The following SLC24A3 variants were observed in gnomAD, a reference collection of about 807,000 sequenced individuals.
SLC24A3 encodes solute carrier family 24 member 3.
SLC24A3 carries 28 observed loss-of-function variants against 75.8 expected under a neutral mutation model. The observed-to-expected ratio is 0.37, with a 90% CI of 0.27 to 0.51. The LOEUF is 0.51. Ranked by LOEUF, SLC24A3 falls within the 20% of genes least tolerant of loss-of-function variation. The pLI, the probability that SLC24A3 is intolerant of heterozygous loss-of-function variation, is 0.94. For missense variants in SLC24A3, 663 were observed against 847.8 expected (o/e 0.78, Z 2.71); for synonymous variants, 372 against 334.1 (o/e 1.11, Z -1.24).
At chr20:19,656,814 C>T (rs2032272467) in intron 7 of SLC24A3, among the ~76,000 whole-genome samples, 1 of 152,180 alleles carries the variant, frequency 6.6e-6, no homozygotes. Flanking sequence ...GGCTTCTTTC[C>T]CTGTTTTCCG....
intron 2 of SLC24A3, among the ~76,000 whole-genome samples, chr20:19,421,687 G>A (rs1035376475): frequency 4.6e-5 from 7 of 152,176 alleles, no homozygotes; most frequent in Non-Finnish European, 8.8e-5. Flanking sequence ...TGAGAAAAAC[G>A]GGATTTACTG....
At chr20:19,431,609 T>A (rs903454755) in intron 2 of SLC24A3, among the ~76,000 whole-genome samples, 6 of 151,924 alleles carry the variant, frequency 3.9e-5, no homozygotes, top group African/African-American at 1.5e-4. Flanking sequence ...TACTGAGCAA[T>A]TGGAGGAGGT....
intron 2 of SLC24A3, among the ~76,000 whole-genome samples, chr20:19,315,015 T>C (rs1984551637): frequency 6.6e-6 from 1 of 152,196 alleles, no homozygotes; most frequent in Admixed American, 6.5e-5. Context: ...TTTGCTTTGA[T>C]TTTCTAGGTG....
intron 2 of SLC24A3, among the ~76,000 whole-genome samples, chr20:19,453,129 G>A (rs556868041): frequency 9.2e-5 from 14 of 152,168 alleles, no homozygotes; most frequent in Admixed American, 5.9e-4. Flanking sequence ...GCAGTGACCC[G>A]AGATCGCACC....
chr20:19,550,188 G>C (rs369622964), intron 3 of SLC24A3, among the ~76,000 whole-genome samples: 13 of 152,238 alleles, frequency 8.5e-5, no homozygotes, highest in African/African-American at 3.1e-4. Context: ...TCTGTATGCT[G>C]TTTTAGAGGC....
chr20:19,333,874 A>C (rs1985063346), intron 2 of SLC24A3, among the ~76,000 whole-genome samples: 1 of 152,164 alleles, frequency 6.6e-6, no homozygotes, highest in South Asian at 2.1e-4. Context: ...TAAGGTTCTT[A>C]AGCTGGAATA....
chr20:19,325,676 T>G (rs1023758653), intron 2 of SLC24A3, among the ~76,000 whole-genome samples: 8 of 149,696 alleles, frequency 5.3e-5, no homozygotes, highest in Non-Finnish European at 8.9e-5. Context: ...ATTTGGAGAT[T>G]TTTTTGTTTT....
chr20:19,465,793 C>T (rs1213506779), intron 2 of SLC24A3, among the ~76,000 whole-genome samples: 2 of 152,198 alleles, frequency 1.3e-5, no homozygotes, highest in East Asian at 3.9e-4. Flanking sequence ...GCTACTTTCT[C>T]TGGGCTTGTG....
At chr20:19,235,887 G>T (rs1982151809) in intron 1 of SLC24A3, among the ~76,000 whole-genome samples, 2 of 152,204 alleles carry the variant, frequency 1.3e-5, no homozygotes, top group African/African-American at 4.8e-5. Context: ...CCAGTCTGTA[G>T]TCTTCAAGGT....
chr20:19,597,938 A>G (rs1390291252), intron 6 of SLC24A3, among the ~76,000 whole-genome samples: 1 of 152,198 alleles, frequency 6.6e-6, no homozygotes, highest in Non-Finnish European at 1.5e-5. Flanking sequence ...TATTCCCTTG[A>G]ATGTATATGC....
intron 1 of SLC24A3, among the ~76,000 whole-genome samples, chr20:19,241,229 G>T (rs1982318037): frequency 6.6e-6 from 1 of 152,242 alleles, no homozygotes; most frequent in Non-Finnish European, 1.5e-5. Context: ...CAGAGGTGTG[G>T]GGAGGTGTGC....
intron 2 of SLC24A3, among the ~76,000 whole-genome samples, chr20:19,302,910 A>G (rs1984228014): frequency 6.6e-6 from 1 of 152,016 alleles, no homozygotes; most frequent in African/African-American, 2.4e-5. Flanking sequence ...CTAAGTTTTC[A>G]AGCAAGGAAA....
intron 3 of SLC24A3, among the ~76,000 whole-genome samples, chr20:19,529,760 T>C (rs961448196): frequency 5.9e-5 from 9 of 152,298 alleles, no homozygotes; most frequent in East Asian, 1.9e-4. Flanking sequence ...GCCCCTTTCT[T>C]TGATACCACT....
rs371303563 is a variant in SLC24A3, at chr20:19,721,196, G to A, written c.*56G>A. On this transcript the variant is annotated 3_prime_UTR_variant, in exon 17 of 17. Coordinates refer to ENST00000328041, the MANE Select transcript of SLC24A3 (RefSeq NM_020689.4). Reference sequence around the variant, plus strand: ...TTCTTTTCTGTGCAATACGAGACCCGGCCGCACCCCGAGTCACACAGGCCC... The same window carrying A: ...TTCTTTTCTGTGCAATACGAGACCCAGCCGCACCCCGAGTCACACAGGCCC... 82 of 1,599,596 alleles carry A rather than the reference G, an allele frequency of 5.1e-5. No individual in the cohort carries two copies. The highest frequency in any genetic ancestry group is 4.6e-4 in the South Asian group (41 of 89,104).
chr20:19,360,153 A>T (rs1241763952), intron 2 of SLC24A3, among the ~76,000 whole-genome samples: 1 of 152,212 alleles, frequency 6.6e-6, no homozygotes, highest in Non-Finnish European at 1.5e-5. Flanking sequence ...AATTTGACAG[A>T]TATTGCCCAG....
At chr20:19,478,319 C>T (rs1273647854) in intron 2 of SLC24A3, among the ~76,000 whole-genome samples, 1 of 152,124 alleles carries the variant, frequency 6.6e-6, no homozygotes, top group East Asian at 1.9e-4. Context: ...CAGAAGTGGC[C>T]ATCTGACCTG....
At chr20:19,438,178 A>G (rs986547187) in intron 2 of SLC24A3, among the ~76,000 whole-genome samples, 4 of 152,224 alleles carry the variant, frequency 2.6e-5, no homozygotes, top group Admixed American at 2.6e-4. Context: ...GTGTCTGGGC[A>G]TCAGGCGCTC....
chr20:19,504,787 A>G (rs1277510858), intron 2 of SLC24A3, among the ~76,000 whole-genome samples: 4 of 152,258 alleles, frequency 2.6e-5, no homozygotes, highest in African/African-American at 9.6e-5. Context: ...GGAATTTACC[A>G]TAAATATGTC....
At chr20:19,598,550 G>A (rs2031480568) in intron 6 of SLC24A3, among the ~76,000 whole-genome samples, 2 of 151,986 alleles carry the variant, frequency 1.3e-5, no homozygotes, top group Non-Finnish European at 2.9e-5. Context: ...GCCTGGGAGA[G>A]GAGAAAGAAT....
Sources: allele counts gnomAD v4.1 joint callset (sites outside exome capture counted in the v4.1 genomes callset), GRCh38; gene constraint gnomAD v4.1.1; transcripts MANE v1.5; gene names NCBI Gene and HGNC (gene_info 2026-07-23, HGNC 2026-07-21).